PSD3: variants seen among roughly 807,000 people sequenced by gnomAD.
PSD3 encodes the protein pleckstrin and Sec7 domain containing 3.
PSD3 carries 49 observed loss-of-function variants against 105.5 expected under a neutral mutation model. That is an observed-to-expected ratio of 0.46 (90% confidence interval 0.37 to 0.59). The LOEUF (loss-of-function observed/expected upper bound fraction) is 0.59. PSD3 is among the 20% of genes least tolerant of loss of function. PSD3 has a pLI of 0.00. For missense variants in PSD3, 1,561 were observed against 1,263.8 expected, an observed-to-expected ratio of 1.24 and a Z score of -3.57; for synonymous variants, 557 against 457.8, an observed-to-expected ratio of 1.22 and a Z score of -2.77.
chr8:18,868,037 TC>T lies in PSD3; in HGVS notation c.1270del (p.Glu424LysfsTer58). 6.2e-7 allele frequency: 1 copy of T among 1,612,674 alleles called. No individual in the cohort carries two copies. The highest frequency in any genetic ancestry group is 8.5e-7 in the Non-Finnish European group (1 of 1,179,450). ...ISEQEEHVKG[E>X]DEDILGPGYT... The stretch of plus-strand genomic sequence containing the variant: ...TCCAGGCCCAAGGATGTCTTCATCT[TC>T]CCCCTTAACGTGCTCCTCTTGTTCG... On this transcript the variant is annotated frameshift_variant, in exon 4 of 16. Transcript: ENST00000327040. LOFTEE classifies it high-confidence loss of function.
At chr8:18,990,477 C>A (rs138884577) in intron 1 of PSD3, among the ~76,000 whole-genome samples, 163 of 152,296 alleles carry the variant, frequency 1.1e-3, no homozygotes, top group African/African-American at 3.6e-3. Flanking sequence ...CTCTGGCCAG[C>A]GCCATTTCAT....
Position 18,804,715 on chromosome 8 carries a change from G to C in PSD3, c.1818C>G (p.His606Gln). 6.2e-7 allele frequency: 1 copy of C among 1,613,836 alleles called. No individual in the cohort carries two copies. Among genetic ancestry groups the C allele is most frequent in the Admixed American group, 1.7e-5 (1 of 59,976 alleles). ...GGGTCAGAACGTACTTCTTGCCAAG[G>C]TGTTTTGCAACATCTGATCTTTTGA... ...DRFKRSDVAKHLGKNNEFSKL... is the reference protein window; with the variant it reads ...DRFKRSDVAKQLGKNNEFSKL... Residue 606 changes from histidine to glutamine, a missense_variant, in exon 5 of 16, where the codon CAC (histidine) becomes CAG (glutamine). His to Gln is a conservative substitution (Grantham distance 24). Transcript: ENST00000327040.
chr8:18,737,837 C>G (rs984130882), intron 9 of PSD3, among the ~76,000 whole-genome samples: 1 of 152,130 alleles, frequency 6.6e-6, no homozygotes, highest in African/African-American at 2.4e-5. Flanking sequence ...GGGTTTACTT[C>G]TAACTTTGAT....
Position 18,752,478 on chromosome 8 carries a change from AT to A in PSD3, c.2172+12970del, listed in dbSNP as rs748794841. 0.011 allele frequency among the ~76,000 whole-genome samples: 699 copies of A among 64,314 alleles called. 13 individuals are homozygous for A. In the East Asian group the frequency reaches 0.12, roughly 11 times the overall value. The allele number at this position is 64,314 out of a possible 152,430, so 42.2% of individuals were successfully genotyped here. On this transcript the variant is annotated intron_variant, in intron 9 of 15. Transcript: ENST00000327040. ...AATCCCTAACTTTTCAAATATATATATTATTATATATATAATATATATAATA... is the reference window on the plus strand; with the variant it reads ...AATCCCTAACTTTTCAAATATATATATATTATATATATAATATATATAATA...
intron 1 of PSD3, among the ~76,000 whole-genome samples, chr8:19,065,112 C>G (rs1471364776): frequency 6.6e-6 from 1 of 152,192 alleles, no homozygotes; most frequent in Non-Finnish European, 1.5e-5. Context: ...TGTTTTAACC[C>G]TATAAGGAAA....
chr8:18,696,954 G>T (rs1801291501), intron 9 of PSD3, among the ~76,000 whole-genome samples: 1 of 152,048 alleles, frequency 6.6e-6, no homozygotes, highest in South Asian at 2.1e-4. Context: ...ACCATTTCAG[G>T]CCAGGCACGT....
intron 7 of PSD3, among the ~76,000 whole-genome samples, chr8:18,800,100 C>G (rs765741711): frequency 6.6e-6 from 1 of 152,174 alleles, no homozygotes; most frequent in African/African-American, 2.4e-5. Context: ...ATATTTAAAA[C>G]AAATTCTCGA....
At chr8:18,705,068 G>C (rs1036100336) in intron 9 of PSD3, among the ~76,000 whole-genome samples, 3 of 151,948 alleles carry the variant, frequency 2.0e-5, no homozygotes, top group Admixed American at 1.3e-4. Context: ...AAATAGTATG[G>C]AACACCCTTC....
chr8:19,077,654 G>A (rs980491710), intron 1 of PSD3, among the ~76,000 whole-genome samples: 1 of 151,870 alleles, frequency 6.6e-6, no homozygotes, highest in African/African-American at 2.4e-5. Flanking sequence ...CAAACTTTAG[G>A]GAAGCTAATA....
In PSD3 at chr8:18,719,257, T is replaced by C. The variant is rs551616083; in HGVS notation, c.2172+46192A>G. Among the ~76,000 whole-genome samples, 7 of 151,868 alleles carry C rather than the reference T, an allele frequency of 4.6e-5. No individual in the cohort carries two copies. The South Asian group carries it at 1.5e-3, about 32-fold the overall frequency. On this transcript the variant is annotated intron_variant, in intron 9 of 15. Transcript: ENST00000327040. ...AGTTTCCTGGGTACAATACACAGAG[T>C]TCCTCTAAACAAGACTGCATTCTGA...
intron 1 of PSD3, among the ~76,000 whole-genome samples, chr8:18,953,431 A>G (rs1033188628): frequency 6.6e-6 from 1 of 152,260 alleles, no homozygotes; most frequent in Non-Finnish European, 1.5e-5. Context: ...CAAAAGCTAG[A>G]AACAATCTGT....
In PSD3 at chr8:18,821,717, A is replaced by ACACACCCC. The variant is rs1554513425; in HGVS notation, c.1635-16820_1635-16819insGGGGTGTG. 3.3e-3 allele frequency among the ~76,000 whole-genome samples: 461 copies of ACACACCCC among 141,192 alleles called. 1 individual carries two copies. The highest frequency in any genetic ancestry group is 0.01 in the African/African-American group (390 of 37,432). 92.6% of individuals were successfully genotyped at this position (141,192 alleles called of 152,430 possible). A position where few individuals can be genotyped will look rare whatever the true frequency, so the allele number is the denominator to read the frequency against. On this transcript the variant is annotated intron_variant, in intron 4 of 15. Transcript: ENST00000327040. The stretch of plus-strand genomic sequence containing the variant: ...CACACACACACACACACACACACAC[A>ACACACCCC]CCCCAATAACAAAGCTCCAATTCCA...
chr8:18,583,512 C>T (rs1048376606), intron 12 of PSD3, among the ~76,000 whole-genome samples: 1 of 152,188 alleles, frequency 6.6e-6, no homozygotes, highest in African/African-American at 2.4e-5. Context: ...AGTCTCAACT[C>T]TTTAACATGG....
At chr8:18,544,568 G>C (rs533360224) in intron 15 of PSD3, among the ~76,000 whole-genome samples, 1 of 152,054 alleles carries the variant, frequency 6.6e-6, no homozygotes, top group Non-Finnish European at 1.5e-5. Flanking sequence ...TCCAAAGAAA[G>C]TGTGAATTCC....
At chr8:18,676,563 G>A (rs923734324) in intron 9 of PSD3, among the ~76,000 whole-genome samples, 2 of 152,212 alleles carry the variant, frequency 1.3e-5, no homozygotes, top group Non-Finnish European at 2.9e-5. Flanking sequence ...AACCAAGATT[G>A]TGGAGTGTCC....
intron 12 of PSD3, among the ~76,000 whole-genome samples, chr8:18,595,094 A>G (rs970498702): frequency 1.3e-5 from 2 of 152,016 alleles, no homozygotes; most frequent in Non-Finnish European, 2.9e-5. Flanking sequence ...GTGGGAACAG[A>G]ATACAAAAGG....
At chr8:18,901,451 ACT>A (rs1261118132) in intron 2 of PSD3, among the ~76,000 whole-genome samples, 1 of 151,820 alleles carries the variant, frequency 6.6e-6, no homozygotes, top group Non-Finnish European at 1.5e-5. Flanking sequence ...GCGAGAACAC[ACT>A]CTTGTTATTT....
At chr8:19,049,483 A>G (rs971000461) in intron 1 of PSD3, among the ~76,000 whole-genome samples, 1 of 152,086 alleles carries the variant, frequency 6.6e-6, no homozygotes, top group Non-Finnish European at 1.5e-5. Context: ...TGAGGCCAGA[A>G]GTTCAGGACC....
chr8:18,861,210 T>TGCTGGAGAAGG (rs1816411362), intron 4 of PSD3, among the ~76,000 whole-genome samples: 1 of 152,120 alleles, frequency 6.6e-6, no homozygotes, highest in Non-Finnish European at 1.5e-5. Flanking sequence ...CTGGGCTCCC[T>TGCTGGAGAAGG]GACAATCGAC....
Sources: allele counts gnomAD v4.1 joint callset (sites outside exome capture counted in the v4.1 genomes callset), GRCh38; gene constraint gnomAD v4.1.1; transcripts MANE v1.5; gene names NCBI Gene and HGNC (gene_info 2026-07-23, HGNC 2026-07-21).